Variants in PITPNM2 observed in about 807,000 individuals in gnomAD.
PITPNM2 encodes the protein membrane-associated phosphatidylinositol transfer protein 2.
PITPNM2 carries 35 observed loss-of-function variants against 132.2 expected under a neutral mutation model. The ratio of observed to expected loss-of-function variants is 0.26; its 90% CI spans 0.20 to 0.35. The LOEUF (loss-of-function observed/expected upper bound fraction) is 0.35, where lower values mean the gene tolerates loss of function less well. Ranked by LOEUF, PITPNM2 falls within the 10% of genes least tolerant of loss-of-function variation. The probability of loss-of-function intolerance (pLI) is 1.00; values close to 1 mark genes in which losing one functional copy is unlikely to be tolerated. For synonymous variants in PITPNM2, 738 were observed against 799.2 expected (o/e 0.92, Z 1.29); for missense variants, 1,332 against 1,912.0 (o/e 0.70, Z 5.66).
rs2042827779 is a variant in PITPNM2 at position 123,111,227 on chromosome 12, T to C, written c.-199-739A>G. ...CCACCTCGCAGCTCAACACACATTC[T>C]TGTTTGCCTGACACACATACAAGCC... is the stretch of plus-strand genomic sequence containing the variant. On this transcript the variant is annotated intron_variant, in intron 1 of 25. Coordinates refer to ENST00000320201, the MANE Select transcript of PITPNM2 (RefSeq NM_020845.3). This position sits in a 1 kb window ranked among gnomAD's most constrained non-coding sequence, Gnocchi z 4.1. Among the ~76,000 whole-genome samples, 1 of 152,184 alleles carries C rather than the reference T, an allele frequency of 6.6e-6. No homozygotes were observed. Among genetic ancestry groups the C allele is most frequent in the Admixed American group, 6.5e-5 (1 of 15,278 alleles).
At chr12:123,151,339 C>A (rs1412792382), upstream of PITPNM2, among the ~76,000 whole-genome samples, 4 of 151,868 alleles carry the variant, frequency 2.6e-5, no homozygotes, top group African/African-American at 7.2e-5. Context: ...TCGGGGGCGG[C>A]GGCGCGGATC....
Position 123,004,358 on chromosome 12 carries a change from G to C in PITPNM2, c.1048+36C>G. 6.2e-7 allele frequency: 1 copy of C among 1,605,826 alleles called. No homozygotes were observed. The highest frequency in any genetic ancestry group is 1.1e-5 in the South Asian group (1 of 90,808). On this transcript the variant is annotated intron_variant, in intron 8 of 25. Transcript: ENST00000320201. The surrounding 1 kb of genome is among the most constrained non-coding windows in gnomAD (Gnocchi z 4.9). ...TCAGACCCCTCCCCACCTCGCCCAG[G>C]AAGGCCCCAAGGACTGCAGAGCGCT...
chr12:123,101,312 C>T (rs148572649), intron 2 of PITPNM2, among the ~76,000 whole-genome samples: 13 of 152,284 alleles, frequency 8.5e-5, no homozygotes, highest in East Asian at 1.9e-4. Context: ...TCCCTCCTGC[C>T]GAGATGCCAC....
chr12:123,034,666 A>C lies in PITPNM2; in HGVS notation c.-76T>G. 7.7e-7 allele frequency: 1 copy of C among 1,292,612 alleles called. No individual in the cohort carries two copies. 80.1% of individuals were successfully genotyped at this position (1,292,612 alleles called of 1,614,324 possible). A position where few individuals can be genotyped will look rare whatever the true frequency, so the allele number is the denominator to read the frequency against. On this transcript the variant is annotated 5_prime_UTR_variant, in exon 3 of 26. Transcript: ENST00000320201. ...AGGCAAGGTTCCTTAAATAACCATG[A>C]CAAAATTCACCAAGGACCCCTGGGA...
At position 122,984,666 on chromosome 12, in the gene PITPNM2, C is replaced by T. The variant is rs1261249649; in HGVS notation, c.*1361G>A. 1.3e-5 allele frequency: 2 copies of T among 152,256 alleles called. No homozygotes were observed. The highest frequency in any genetic ancestry group is 2.9e-5 in the Non-Finnish European group (2 of 68,066). 9.4% of individuals were successfully genotyped at this position (152,256 alleles called of 1,614,324 possible). ...CTCTGTGCACCTCCCCAGCCCGGTC[C>T]ATGCGTCCCAACACCAGACCCAGGT... On this transcript the variant is annotated 3_prime_UTR_variant, in exon 26 of 26. Coordinates refer to ENST00000320201, the MANE Select transcript of PITPNM2 (RefSeq NM_020845.3).
intron 3 of PITPNM2, 36 bp from the exon 4 acceptor site, chr12:123,014,078 C>A (rs768979850): frequency 5.6e-6 from 9 of 1,609,162 alleles, no homozygotes; most frequent in Non-Finnish European, 6.8e-6. Flanking sequence ...GTGTGTGGGG[C>A]CAGAGCACTC....
chr12:123,090,518 C>A (rs1034996692), intron 2 of PITPNM2: 3 of 152,114 alleles, frequency 2.0e-5, no homozygotes, highest in Admixed American at 6.5e-5. Context: ...GGTGCCAACA[C>A]ACCTGGCTAA....
At chr12:123,127,686 G>A (rs986129416) in intron 1 of PITPNM2, among the ~76,000 whole-genome samples, 12 of 148,378 alleles carry the variant, frequency 8.1e-5, no homozygotes, top group Admixed American at 5.4e-4. Context: ...CTCGGCTCAC[G>A]GCAACCTCTG....
chr12:123,107,418 C>T (rs1160963900), intron 2 of PITPNM2, among the ~76,000 whole-genome samples: 1 of 152,236 alleles, frequency 6.6e-6, no homozygotes, highest in African/African-American at 2.4e-5. Context: ...CTGTGAAAGA[C>T]AGCCAGGCAG....
Position 123,082,532 on chromosome 12 carries a change from G to A in PITPNM2, c.-96+27853C>T, listed in dbSNP as rs1362130124. On this transcript the variant is annotated intron_variant, in intron 2 of 25. Coordinates refer to ENST00000320201, the MANE Select transcript of PITPNM2 (RefSeq NM_020845.3). The surrounding 1 kb of genome is among the most constrained non-coding windows in gnomAD (Gnocchi z 5.4). ...CAGCTCACTGCAACCTCTGCCTCCC[G>A]GTTCAAGCGATTCTCATGCCTCAGC... Among the ~76,000 whole-genome samples the A allele has an allele frequency of 2.6e-5, 4 of 152,024 alleles. No homozygotes were observed. Among genetic ancestry groups the A allele is most frequent in the East Asian group, 3.9e-4 (2 of 5,190 alleles).
rs750504658 is a variant in PITPNM2, at chr12:123,014,126, G to A, written c.79-84C>T. 50 of 1,442,006 alleles carry A rather than the reference G, an allele frequency of 3.5e-5. No individual in the cohort carries two copies. In the Middle Eastern group the frequency reaches 6.7e-4, roughly 19 times the overall value. The allele number at this position is 1,442,006 out of a possible 1,614,324, so 89.3% of individuals were successfully genotyped here. On this transcript the variant is annotated intron_variant, in intron 3 of 25. Coordinates refer to ENST00000320201, the MANE Select transcript of PITPNM2 (RefSeq NM_020845.3). ...GGGGCACAGGAGACTGGGCCCAGGG[G>A]TGTGGAAAGGGAGGAGGGGCTTTGG...
intron 1 of PITPNM2, among the ~76,000 whole-genome samples, chr12:123,143,590 C>A (rs1262808609): frequency 6.6e-6 from 1 of 152,184 alleles, no homozygotes; most frequent in African/African-American, 2.4e-5. Context: ...CAGGAACCCC[C>A]CATCTTGGCC....
At chr12:123,116,335 T>C (rs1419989003) in intron 1 of PITPNM2, among the ~76,000 whole-genome samples, 2 of 152,158 alleles carry the variant, frequency 1.3e-5, no homozygotes, top group African/African-American at 2.4e-5. Context: ...ATCTACATGA[T>C]GGAATGTTAG....
At chr12:123,055,679 G>A (rs1233850012) in intron 2 of PITPNM2, among the ~76,000 whole-genome samples, 1 of 152,174 alleles carries the variant, frequency 6.6e-6, no homozygotes, top group African/African-American at 2.4e-5. Context: ...ACCACTGTGA[G>A]GGTAGCTCAG....
intron 3 of PITPNM2, among the ~76,000 whole-genome samples, chr12:123,030,489 C>T (rs373399078): frequency 6.1e-4 from 93 of 152,116 alleles, no homozygotes; most frequent in African/African-American, 2.2e-3. Flanking sequence ...GTCAGGAGCT[C>T]GAGACCATCC....
chr12:122,986,141 C>T lies in PITPNM2; in HGVS notation c.3936G>A (p.Gln1312=). 2.0e-6 allele frequency: 3 copies of T among 1,524,464 alleles called. No individual in the cohort carries two copies. The highest frequency in any genetic ancestry group is 2.6e-6 in the Non-Finnish European group (3 of 1,141,444). 94.4% of individuals were successfully genotyped at this position (1,524,464 alleles called of 1,614,324 possible). A position where few individuals can be genotyped will look rare whatever the true frequency, so the allele number is the denominator to read the frequency against. The change falls in exon 26 of 26, where the codon CAG becomes CAA. Residue 1312 remains glutamine, a synonymous_variant. Coordinates refer to ENST00000320201, the MANE Select transcript of PITPNM2 (RefSeq NM_020845.3). ...CCCGCTGCTCGCCATCCGCCTGGCT[C>T]TGTGTCCGCTCGTGCCGGTGGCTGG... ...SGPSHRHERT[Q]SQADGEQRGQ...
At chr12:123,006,752 ATAG>A (rs1408331949) in intron 6 of PITPNM2, among the ~76,000 whole-genome samples, 1 of 127,456 alleles carries the variant, frequency 7.8e-6, no homozygotes, top group African/African-American at 2.9e-5. Flanking sequence ...AATAATAATA[ATAG>A]AATGATAAAG....
rs2037862429 is a variant in PITPNM2 at position 122,984,653 on chromosome 12, C to T, written c.*1374G>A. On this transcript the variant is annotated 3_prime_UTR_variant, in exon 26 of 26. Transcript: ENST00000320201. Reference sequence around the variant, plus strand: ...AAAGTTAACATCACTCTGTGCACCTCCCCAGCCCGGTCCATGCGTCCCAAC... The same window carrying T: ...AAAGTTAACATCACTCTGTGCACCTTCCCAGCCCGGTCCATGCGTCCCAAC... 1 of 152,284 alleles carries T rather than the reference C, an allele frequency of 6.6e-6. No homozygotes were observed. Among genetic ancestry groups the T allele is most frequent in the African/African-American group, 2.4e-5 (1 of 41,452 alleles). The allele number at this position is 152,284 out of a possible 1,614,324, so 9.4% of individuals were successfully genotyped here.
chr12:123,149,673 A>G (rs1344002662), intron 1 of PITPNM2: 1 of 152,500 alleles, frequency 6.6e-6, no homozygotes, highest in Non-Finnish European at 1.5e-5. Flanking sequence ...GACGGTGATA[A>G]GAGTTACACA....
Sources: gnomAD v4.1 joint callset for allele counts (sites outside exome capture counted in the v4.1 genomes callset) on GRCh38, gnomAD v4.1.1 for gene constraint, Gnocchi (gnomAD v3.1) non-coding constraint, MANE v1.5 for transcripts, NCBI Gene and HGNC (gene_info 2026-07-23, HGNC 2026-07-21) for gene names.